AFDN: variants seen among roughly 807,000 people sequenced by gnomAD.
AFDN encodes afadin.
In AFDN, 68 loss-of-function variants were observed where a neutral mutation model predicts 216.6. The observed-to-expected ratio is 0.31, with a 90% CI of 0.26 to 0.38. The LOEUF (loss-of-function observed/expected upper bound fraction) is 0.38. Among genes scored for constraint, AFDN ranks in the 10% least tolerant of loss-of-function variants. The pLI is 1.00. For missense variants in AFDN, 2,136 were observed against 2,342.0 expected (o/e 0.91, Z 1.82); for synonymous variants, 868 against 853.7 (o/e 1.02, Z -0.29).
chr6:167,831,115 T>A (rs2128078297), intron 1 of AFDN, among the ~76,000 whole-genome samples: 1 of 152,204 alleles, frequency 6.6e-6, no homozygotes, highest in Admixed American at 6.5e-5. Context: ...CTAGCTTTTG[T>A]ATTTTTAGTA....
intron 31 of AFDN, chr6:167,964,626 G>C: frequency 9.8e-7 from 1 of 1,021,674 alleles, no homozygotes; most frequent in Non-Finnish European, 1.2e-6. Flanking sequence ...GTGTGTGTGT[G>C]TGTGTGTGTG....
intron 1 of AFDN, among the ~76,000 whole-genome samples, chr6:167,831,428 G>A (rs1440517020): frequency 6.6e-6 from 1 of 152,062 alleles, no homozygotes; most frequent in Non-Finnish European, 1.5e-5. Context: ...TTAATAACTG[G>A]TTACGTTTTA....
chr6:167,827,254 G>C lies in AFDN; in HGVS notation c.105+17G>C. 1 of 1,070,786 alleles carries C rather than the reference G, an allele frequency of 9.3e-7. No individual in the cohort carries two copies. Among genetic ancestry groups the C allele is most frequent in the Non-Finnish European group, 1.2e-6 (1 of 862,296 alleles). The allele number at this position is 1,070,786 out of a possible 1,614,324, so 66.3% of individuals were successfully genotyped here. A position where few individuals can be genotyped will look rare whatever the true frequency, so the allele number is the denominator to read the frequency against. On this transcript the variant is annotated intron_variant, in intron 1 of 33. Transcript: ENST00000683244. ...CCGACCGAGGTGAGCACCGCCGGGCGCGGGGCCTGCGCGACCCCCGCCCGC... is the reference window on the plus strand; with the variant it reads ...CCGACCGAGGTGAGCACCGCCGGGCCCGGGGCCTGCGCGACCCCCGCCCGC...
rs1261840123 is a variant in AFDN, at chr6:167,827,937, C to T, written c.105+700C>T. 2.6e-5 allele frequency: 4 copies of T among 152,180 alleles called. No homozygotes were observed. The East Asian group carries it at 5.8e-4, about 22-fold the overall frequency. 9.4% of individuals were successfully genotyped at this position (152,180 alleles called of 1,614,324 possible). A position where few individuals can be genotyped will look rare whatever the true frequency, so the allele number is the denominator to read the frequency against. On this transcript the variant is annotated intron_variant, in intron 1 of 33. Coordinates refer to ENST00000683244, the MANE Select transcript of AFDN (RefSeq NM_001386888.1). The stretch of plus-strand genomic sequence containing the variant: ...ATCACGCTCGCTCCTGGCCTGGTAA[C>T]AATGGGGGTTGTTTATAGCAAAGCT...
chr6:167,854,544 A>G (rs941588673), intron 1 of AFDN, among the ~76,000 whole-genome samples: 2 of 151,676 alleles, frequency 1.3e-5, no homozygotes, highest in South Asian at 4.2e-4. Context: ...GAGTTTATCC[A>G]TTTTTTCTTG....
At chr6:167,967,007 G>A (rs1797636718) in intron 32 of AFDN, among the ~76,000 whole-genome samples, 2 of 152,240 alleles carry the variant, frequency 1.3e-5, no homozygotes, top group Non-Finnish European at 2.9e-5. Context: ...TGACTGTAGA[G>A]CAGGACAGTT....
At chr6:167,830,933 C>CTTTTTTTTTTTT (rs71681602) in intron 1 of AFDN, among the ~76,000 whole-genome samples, 2 of 79,320 alleles carry the variant, frequency 2.5e-5, no homozygotes, top group African/African-American at 1.0e-4. Context: ...ATATTTGAAA[C>CTTTTTTTTTTTT]TTTTTTTTTT....
In AFDN at chr6:167,942,884, G is replaced by A. The variant is rs545711000; in HGVS notation, c.3100-245G>A. Among the ~76,000 whole-genome samples the A allele has an allele frequency of 1.4e-4, 22 of 152,212 alleles. No individual in the cohort carries two copies. The South Asian group carries it at 4.4e-3, about 30-fold the overall frequency. On this transcript the variant is annotated intron_variant, in intron 23 of 33. Transcript: ENST00000683244. ...TAGTTTTTAGTTTGCTTACACTTGT[G>A]GCTGTTCAGAACTATTCTTAAATTA...
upstream of AFDN, chr6:167,826,781 CAGCACCTA>C (rs1779091731): frequency 2.9e-6 from 1 of 342,942 alleles, no homozygotes; most frequent in African/African-American, 2.2e-5. Flanking sequence ...GCCGCGGCAG[CAGCACCTA>C]GTGGAGCGGC....
intron 1 of AFDN, among the ~76,000 whole-genome samples, chr6:167,831,575 A>C (rs969697810): frequency 6.6e-5 from 10 of 152,208 alleles, no homozygotes; most frequent in Non-Finnish European, 1.5e-5. Context: ...TTTATTTTAC[A>C]TAATTTGCAG....
At chr6:167,930,121 T>C (rs1271640151) in intron 23 of AFDN, among the ~76,000 whole-genome samples, 1 of 152,108 alleles carries the variant, frequency 6.6e-6, no homozygotes, top group African/African-American at 2.4e-5. Context: ...AGGAGGATGG[T>C]TTGAGCTCAG....
At chr6:167,858,572 T>G (rs966753133) in intron 1 of AFDN, among the ~76,000 whole-genome samples, 4 of 152,254 alleles carry the variant, frequency 2.6e-5, no homozygotes, top group Non-Finnish European at 5.9e-5. Flanking sequence ...CATTAAGATG[T>G]ACTTCTAGTA....
chr6:167,840,386 A>G (rs559768017), intron 1 of AFDN, among the ~76,000 whole-genome samples: 6 of 152,238 alleles, frequency 3.9e-5, no homozygotes, highest in East Asian at 3.9e-4. Flanking sequence ...AAGTTTGACC[A>G]TGTGACTTTC....
chr6:167,911,909 A>G (rs1177636656), intron 15 of AFDN: 13 of 205,262 alleles, frequency 6.3e-5, no homozygotes, highest in Non-Finnish European at 1.3e-4. Flanking sequence ...ATCACCTCAG[A>G]GCGATACCCC....
chr6:167,964,467 G>A lies in AFDN; in HGVS notation c.4969-1290G>A, dbSNP rs376387552. 12 of 1,065,404 alleles carry A rather than the reference G, an allele frequency of 1.1e-5. No individual in the cohort carries two copies. In the African/African-American group the frequency reaches 1.3e-4, roughly 12 times the overall value. The allele number at this position is 1,065,404 out of a possible 1,614,324, so 66.0% of individuals were successfully genotyped here. On this transcript the variant is annotated intron_variant, in intron 31 of 33. Transcript: ENST00000683244. ...GGGAACACTTACTTTGTGTAGACAA[G>A]AAGATGAGAGTCTTTCCTTCAGGAT...
intron 1 of AFDN, among the ~76,000 whole-genome samples, chr6:167,831,480 T>G (rs998281093): frequency 5.3e-5 from 8 of 152,238 alleles, no homozygotes; most frequent in African/African-American, 1.9e-4. Flanking sequence ...GGGACAGCTC[T>G]TATCTAACAG....
chr6:167,888,770 T>C (rs1049191075), intron 6 of AFDN, among the ~76,000 whole-genome samples: 1 of 152,232 alleles, frequency 6.6e-6, no homozygotes, highest in African/African-American at 2.4e-5. Flanking sequence ...AAAACTATTC[T>C]GGCTTGTTGT....
chr6:167,922,577 A>T (rs948674638), intron 21 of AFDN, among the ~76,000 whole-genome samples: 9 of 152,218 alleles, frequency 5.9e-5, no homozygotes, highest in African/African-American at 2.2e-4. Context: ...TGACAAGGCT[A>T]TTTGGTAATT....
intron 6 of AFDN, among the ~76,000 whole-genome samples, chr6:167,886,551 T>A (rs1257353565): frequency 6.6e-6 from 1 of 152,182 alleles, no homozygotes; most frequent in African/African-American, 2.4e-5. Flanking sequence ...TCCTGGGCCT[T>A]ATAAGATAAT....
Sources: gnomAD v4.1 joint callset for allele counts (sites outside exome capture counted in the v4.1 genomes callset) on GRCh38, gnomAD v4.1.1 for gene constraint, MANE v1.5 for transcripts, NCBI Gene and HGNC (gene_info 2026-07-23, HGNC 2026-07-21) for gene names.